The following SOX6 variants were observed in gnomAD, a reference collection of about 807,000 sequenced individuals.
SOX6 encodes the protein SRY-box transcription factor 6.
A neutral mutation model predicts 97.8 loss-of-function variants in SOX6; 11 were observed. The ratio of observed to expected loss-of-function variants is 0.11; its 90% CI spans 0.07 to 0.19. The LOEUF (loss-of-function observed/expected upper bound fraction) is 0.19, where lower values mean the gene tolerates loss of function less well. SOX6 is among the 10% of genes least tolerant of loss of function. The probability of loss-of-function intolerance (pLI) is 1.00; values close to 1 mark genes in which losing one functional copy is unlikely to be tolerated. For missense variants in SOX6, 810 were observed against 1,039.5 expected, an observed-to-expected ratio of 0.78 and a Z score of 3.04; for synonymous variants, 360 against 371.4, an observed-to-expected ratio of 0.97 and a Z score of 0.35.
At chr11:16,426,251 A>G (rs11023939) in intron 1 of SOX6, among the ~76,000 whole-genome samples, 6 of 77,946 alleles carry the variant, frequency 7.7e-5, no homozygotes, top group African/African-American at 1.6e-4. Context: ...GTGAGACTCC[A>G]TCTCAAAAAA....
At chr11:16,437,698 A>G (rs890030360) in intron 1 of SOX6, among the ~76,000 whole-genome samples, 2 of 152,208 alleles carry the variant, frequency 1.3e-5, no homozygotes, top group African/African-American at 2.4e-5. Context: ...CACTCTTCTC[A>G]GCACTTGATG....
At chr11:16,435,087 C>G (rs1199948793) in intron 1 of SOX6, among the ~76,000 whole-genome samples, 1 of 152,042 alleles carries the variant, frequency 6.6e-6, no homozygotes, top group East Asian at 1.9e-4. Flanking sequence ...AATGAAATTG[C>G]AGGTATTAAT....
chr11:16,022,228 G>A (rs1423202850), intron 12 of SOX6, among the ~76,000 whole-genome samples: 6 of 152,214 alleles, frequency 3.9e-5, no homozygotes, highest in Middle Eastern at 3.4e-3. Context: ...AAACTACGAT[G>A]ACAGTGTCCT....
chr11:16,561,195 G>C (rs961569053), intron 4 of SOX6, among the ~76,000 whole-genome samples: 8 of 152,060 alleles, frequency 5.3e-5, no homozygotes, highest in Admixed American at 3.3e-4. Context: ...CAGGAAGGGA[G>C]GAGAAATCAT....
intron 4 of SOX6, among the ~76,000 whole-genome samples, chr11:16,578,516 T>C (rs995122287): frequency 2.0e-5 from 3 of 152,136 alleles, no homozygotes; most frequent in African/African-American, 7.2e-5. Context: ...TAGATTGTTT[T>C]TCCCCCAAAG....
intron 1 of SOX6, among the ~76,000 whole-genome samples, chr11:16,362,901 A>G (rs1837098): frequency 0.067 from 10,161 of 152,222 alleles, 615 homozygotes; most frequent in African/African-American, 0.16. Flanking sequence ...GCCACACAGG[A>G]TATACCTGTG....
At chr11:16,359,700 A>T (rs1322646825), upstream of SOX6, among the ~76,000 whole-genome samples, 1 of 152,204 alleles carries the variant, frequency 6.6e-6, no homozygotes, top group African/African-American at 2.4e-5. Context: ...AAGAAGGTAG[A>T]TGAAGCGAGT....
At chr11:16,388,734 T>C (rs1858072013) in intron 1 of SOX6, among the ~76,000 whole-genome samples, 1 of 152,168 alleles carries the variant, frequency 6.6e-6, no homozygotes, top group Non-Finnish European at 1.5e-5. Flanking sequence ...TCATTCCTGA[T>C]ATTGGTAAGT....
intron 3 of SOX6, among the ~76,000 whole-genome samples, chr11:16,639,203 T>C (rs1848849130): frequency 1.3e-5 from 2 of 152,206 alleles, no homozygotes. Flanking sequence ...TTTGTCAGGT[T>C]TGTCAAAGAT....
intron 3 of SOX6, among the ~76,000 whole-genome samples, chr11:16,271,049 C>T (rs936866474): frequency 6.6e-6 from 1 of 151,222 alleles, no homozygotes; most frequent in Non-Finnish European, 1.5e-5. Context: ...CAGTAGAAAT[C>T]AGAGAAAGAA....
intron 1 of SOX6, among the ~76,000 whole-genome samples, chr11:16,364,566 A>C (rs567230218): frequency 6.6e-6 from 1 of 152,240 alleles, no homozygotes; most frequent in Non-Finnish European, 1.5e-5. Context: ...CCTTGTGTTT[A>C]TTTTACCCAT....
intron 3 of SOX6, among the ~76,000 whole-genome samples, chr11:16,280,332 A>G (rs1183829824): frequency 6.6e-6 from 1 of 151,814 alleles, no homozygotes; most frequent in Non-Finnish European, 1.5e-5. Context: ...TAGCCCACCA[A>G]ATTTGGGCTT....
chr11:16,511,787 A>G (rs1187397650), intron 4 of SOX6, among the ~76,000 whole-genome samples: 1 of 152,192 alleles, frequency 6.6e-6, no homozygotes, highest in Non-Finnish European at 1.5e-5. Context: ...GTTGCAAAAT[A>G]ACATGCAGGA....
chr11:16,510,947 C>A (rs1159814302), intron 4 of SOX6, among the ~76,000 whole-genome samples: 1 of 152,062 alleles, frequency 6.6e-6, no homozygotes, highest in Non-Finnish European at 1.5e-5. Context: ...AAACCCCCAA[C>A]ATTTTTTATC....
In SOX6 at chr11:15,969,572, AC is replaced by A. The variant is rs1218506514; in HGVS notation, c.*3236del. 6.6e-6 allele frequency: 1 copy of A among 152,152 alleles called. No individual in the cohort carries two copies. Among genetic ancestry groups the A allele is most frequent in the African/African-American group, 2.4e-5 (1 of 41,414 alleles). The allele number at this position is 152,152 out of a possible 1,614,324, so 9.4% of individuals were successfully genotyped here. On this transcript the variant is annotated 3_prime_UTR_variant, in exon 16 of 16. Transcript: ENST00000683767. The stretch of plus-strand genomic sequence containing the variant: ...CTCTCACTGTAGCTGATAACTCACT[AC>A]CCCGAGAGGCACAGTGACTCATCAA...
At chr11:16,647,096 T>C (rs1564858081) in intron 3 of SOX6, among the ~76,000 whole-genome samples, 1 of 152,226 alleles carries the variant, frequency 6.6e-6, no homozygotes, top group Non-Finnish European at 1.5e-5. Flanking sequence ...AGTAAGGTAG[T>C]ATTGCATTGT....
At chr11:16,603,827 A>G (rs954242417) in intron 4 of SOX6, among the ~76,000 whole-genome samples, 1 of 148,612 alleles carries the variant, frequency 6.7e-6, no homozygotes, top group South Asian at 2.1e-4. Context: ...AGAAAAGATT[A>G]AAAAAAAATC....
At chr11:16,705,225 T>C (rs372307906) in intron 3 of SOX6, among the ~76,000 whole-genome samples, 16 of 151,020 alleles carry the variant, frequency 1.1e-4, no homozygotes, top group African/African-American at 1.9e-4. Context: ...GCCATTGCAC[T>C]CCTGCCTGGG....
chr11:16,080,700 GC>G (rs1411411356), intron 9 of SOX6, among the ~76,000 whole-genome samples: 1 of 152,164 alleles, frequency 6.6e-6, no homozygotes, highest in East Asian at 1.9e-4. Flanking sequence ...CTGTCTCACA[GC>G]ACGGATGGGA....
Sources: gnomAD v4.1 joint callset for allele counts (sites outside exome capture counted in the v4.1 genomes callset) on GRCh38, gnomAD v4.1.1 for gene constraint, MANE v1.5 for transcripts, NCBI Gene and HGNC (gene_info 2026-07-23, HGNC 2026-07-21) for gene names.